The following ZDHHC14 variants were observed in gnomAD, a reference collection of about 807,000 sequenced individuals.
ZDHHC14 encodes zDHHC palmitoyltransferase 14, also known as palmitoyltransferase ZDHHC14.
In ZDHHC14, 16 loss-of-function variants were observed where a neutral mutation model predicts 47.7. The observed-to-expected ratio is 0.34, with a 90% CI of 0.23 to 0.51. ZDHHC14 has a LOEUF of 0.51. Among genes scored for constraint, ZDHHC14 ranks in the 20% least tolerant of loss-of-function variants. ZDHHC14 has a pLI of 0.97. For missense variants in ZDHHC14, 515 were observed against 662.5 expected (o/e 0.78, Z 2.44); for synonymous variants, 293 against 278.9 (o/e 1.05, Z -0.50).
intron 1 of ZDHHC14, among the ~76,000 whole-genome samples, chr6:157,508,758 T>C (rs1049266903): frequency 2.6e-5 from 4 of 152,180 alleles, no homozygotes; most frequent in Non-Finnish European, 4.4e-5. Flanking sequence ...TTCTGGAAAA[T>C]TTATTTAACT....
At chr6:157,465,677 C>T (rs1779195072) in intron 1 of ZDHHC14, among the ~76,000 whole-genome samples, 1 of 152,032 alleles carries the variant, frequency 6.6e-6, no homozygotes, top group African/African-American at 2.4e-5. Flanking sequence ...TGTCACGTAC[C>T]AGGAGATTCT....
intron 5 of ZDHHC14, among the ~76,000 whole-genome samples, chr6:157,633,814 G>A (rs557585948): frequency 1.3e-5 from 2 of 152,156 alleles, no homozygotes; most frequent in Admixed American, 6.5e-5. Flanking sequence ...CACCATGCCC[G>A]GCTAATTTTT....
At chr6:157,404,298 G>A (rs1474551525) in intron 1 of ZDHHC14, among the ~76,000 whole-genome samples, 3 of 152,046 alleles carry the variant, frequency 2.0e-5, no homozygotes, top group African/African-American at 4.8e-5. Context: ...CACCATGTCC[G>A]GCTAATTTTT....
chr6:157,518,105 TCCTGAAGTTCAAAGTTCCCATC>T, intron 1 of ZDHHC14, among the ~76,000 whole-genome samples: 1 of 152,226 alleles, frequency 6.6e-6, no homozygotes, highest in East Asian at 1.9e-4. Flanking sequence ...TTGTTTATTT[TCCTGAAGTTCAAAGTTCCCATC>T]CCTCCGTGGA....
chr6:157,626,687 T>C (rs1247000826), intron 3 of ZDHHC14, among the ~76,000 whole-genome samples: 1 of 152,154 alleles, frequency 6.6e-6, no homozygotes, highest in Non-Finnish European at 1.5e-5. Flanking sequence ...TCATGCAACG[T>C]CCACAGTTTA....
chr6:157,407,272 C>T (rs1014242508), intron 1 of ZDHHC14, among the ~76,000 whole-genome samples: 12 of 152,206 alleles, frequency 7.9e-5, no homozygotes, highest in Non-Finnish European at 1.5e-4. Flanking sequence ...CCTGTAGCCC[C>T]GCCCCTGGGA....
At position 157,536,849 on chromosome 6, in the gene ZDHHC14, C is replaced by CG. The variant is rs1344769099; in HGVS notation, c.246-5735dup. On this transcript the variant is annotated intron_variant, in intron 1 of 8. Coordinates refer to ENST00000359775, the MANE Select transcript of ZDHHC14 (RefSeq NM_024630.3). ...TTTTTTTTTTTTTGAGACAGAGTCT[C>CG]GCTCTGTCGCCCAGGCTGGAGTGCA... Among the ~76,000 whole-genome samples the CG allele has an allele frequency of 7.0e-4, 21 of 30,128 alleles. 2 individuals carry two copies. The highest frequency in any genetic ancestry group is 6.0e-3 in the African/African-American group (21 of 3,474). 19.8% of individuals were successfully genotyped at this position (30,128 alleles called of 152,430 possible).
intron 3 of ZDHHC14, among the ~76,000 whole-genome samples, chr6:157,610,786 G>C (rs1784722301): frequency 6.6e-6 from 1 of 152,116 alleles, no homozygotes; most frequent in African/African-American, 2.4e-5. Flanking sequence ...TTGTCACAGG[G>C]GCCAGCATTC....
rs1778250178 is a variant in ZDHHC14, at chr6:157,427,720, G to A, written c.245+45454G>A. Reference sequence around the variant, plus strand: ...CTTTTCAGAAATGGCAGATGCGCTAGGGCTGTTCCTCCTGGAGTAGTGGGA... The same window carrying A: ...CTTTTCAGAAATGGCAGATGCGCTAAGGCTGTTCCTCCTGGAGTAGTGGGA... On this transcript the variant is annotated intron_variant, in intron 1 of 8. Coordinates refer to ENST00000359775, the MANE Select transcript of ZDHHC14 (RefSeq NM_024630.3). This position sits in a 1 kb window ranked among gnomAD's most constrained non-coding sequence, Gnocchi z 4.4. Among the ~76,000 whole-genome samples, 2 of 152,098 alleles carry A rather than the reference G, an allele frequency of 1.3e-5. No homozygotes were observed. The highest frequency in any genetic ancestry group is 6.5e-5 in the Admixed American group (1 of 15,276).
chr6:157,644,252 G>C (rs920201087), intron 5 of ZDHHC14, among the ~76,000 whole-genome samples: 1 of 152,224 alleles, frequency 6.6e-6, no homozygotes, highest in Non-Finnish European at 1.5e-5. Flanking sequence ...GGGGATGTGG[G>C]TGGAGAGAGG....
At chr6:157,574,748 T>C (rs1021102550) in intron 2 of ZDHHC14, among the ~76,000 whole-genome samples, 1 of 152,240 alleles carries the variant, frequency 6.6e-6, no homozygotes, top group Non-Finnish European at 1.5e-5. Context: ...ACCACCCTAT[T>C]TCAAGCTAAC....
At chr6:157,471,339 G>A (rs756777079) in intron 1 of ZDHHC14, among the ~76,000 whole-genome samples, 9 of 152,302 alleles carry the variant, frequency 5.9e-5, no homozygotes, top group Non-Finnish European at 1.3e-4. Context: ...CTTTGACTAC[G>A]GTGGGCAGGC....
In ZDHHC14 at chr6:157,563,568, G is replaced by A. The variant is rs917558085; in HGVS notation, c.406+20823G>A. 2.6e-5 allele frequency among the ~76,000 whole-genome samples: 4 copies of A among 152,208 alleles called. No individual in the cohort carries two copies. In the South Asian group the frequency reaches 6.2e-4, roughly 24 times the overall value. ...AGCACTTGCCAGCCCCAGCAGCTCC[G>A]TGTATCCACACTGTGTGTATCCAGA... On this transcript the variant is annotated intron_variant, in intron 2 of 8. Coordinates refer to ENST00000359775, the MANE Select transcript of ZDHHC14 (RefSeq NM_024630.3).
At chr6:157,489,678 G>A (rs2114725846) in intron 1 of ZDHHC14, among the ~76,000 whole-genome samples, 1 of 152,318 alleles carries the variant, frequency 6.6e-6, no homozygotes. Flanking sequence ...ATCTGCAGAT[G>A]TCTGAGATAA....
intron 1 of ZDHHC14, among the ~76,000 whole-genome samples, chr6:157,399,233 A>G (rs1777582395): frequency 1.3e-5 from 2 of 152,026 alleles, no homozygotes; most frequent in South Asian, 4.1e-4. Context: ...TAGTCTCTTG[A>G]GTCAAGAAAT....
intron 6 of ZDHHC14, 103 bp downstream of exon 6, chr6:157,645,942 G>GT: frequency 1.0e-6 from 1 of 959,502 alleles, no homozygotes; most frequent in Admixed American, 2.2e-5. Context: ...CATACATCCC[G>GT]TTCCAGATGT....
intron 2 of ZDHHC14, among the ~76,000 whole-genome samples, chr6:157,545,195 G>T (rs909652442): frequency 9.9e-5 from 15 of 152,194 alleles, no homozygotes; most frequent in African/African-American, 3.1e-4. Flanking sequence ...CCTGGGGCTG[G>T]GAGGGTAGGA....
intron 1 of ZDHHC14, among the ~76,000 whole-genome samples, chr6:157,412,707 G>A (rs1777894539): frequency 6.6e-6 from 1 of 152,240 alleles, no homozygotes; most frequent in Non-Finnish European, 1.5e-5. Flanking sequence ...AGAATGAGGA[G>A]TAATAAGCAC....
At chr6:157,617,764 G>A (rs1785026758) in intron 3 of ZDHHC14, among the ~76,000 whole-genome samples, 1 of 152,190 alleles carries the variant, frequency 6.6e-6, no homozygotes, top group East Asian at 1.9e-4. Context: ...TCACGAGGGT[G>A]GGGGAGCTGG....
Sources: gnomAD v4.1 joint callset for allele counts (sites outside exome capture counted in the v4.1 genomes callset) on GRCh38, gnomAD v4.1.1 for gene constraint, Gnocchi (gnomAD v3.1) non-coding constraint, MANE v1.5 for transcripts, NCBI Gene and HGNC (gene_info 2026-07-23, HGNC 2026-07-21) for gene names.